Variants in PCDH7 observed in about 807,000 individuals in gnomAD.
The protein encoded by PCDH7 is protocadherin 7.
In PCDH7, 17 loss-of-function variants were observed where a neutral mutation model predicts 58.9. That is an observed-to-expected ratio of 0.29 (90% CI 0.20 to 0.43). PCDH7 has a LOEUF of 0.43. PCDH7 is among the 20% of genes least tolerant of loss of function. The pLI, the probability that PCDH7 is intolerant of heterozygous loss-of-function variation, is 1.00. For missense variants in PCDH7, 1,274 were observed against 1,441.0 expected, an observed-to-expected ratio of 0.88 and a Z score of 1.88; for synonymous variants, 664 against 616.4, an observed-to-expected ratio of 1.08 and a Z score of -1.14.
chr4:31,094,226 C>A (rs989694036), intron 3 of PCDH7, among the ~76,000 whole-genome samples: 2 of 152,056 alleles, frequency 1.3e-5, no homozygotes. Context: ...GTTGTGAAAA[C>A]CAATAGCATC....
chr4:31,071,646 T>C (rs2109253469), intron 3 of PCDH7, among the ~76,000 whole-genome samples: 1 of 152,160 alleles, frequency 6.6e-6, no homozygotes, highest in African/African-American at 2.4e-5. Flanking sequence ...GAAAGCTCAA[T>C]TCATTGCATT....
downstream of PCDH7, among the ~76,000 whole-genome samples, chr4:30,734,601 A>T (rs186749438): frequency 1.9e-3 from 293 of 152,278 alleles, 2 homozygotes; most frequent in African/African-American, 6.3e-3. Context: ...AACTAGAATA[A>T]GTTCCCTGTC....
chr4:30,736,783 G>T (rs189158223), downstream of PCDH7, among the ~76,000 whole-genome samples: 11 of 152,002 alleles, frequency 7.2e-5, no homozygotes, highest in Non-Finnish European at 1.3e-4. Context: ...TGATCCGCCC[G>T]CCTCGGCCTC....
intron 3 of PCDH7, among the ~76,000 whole-genome samples, chr4:31,005,830 A>G (rs971957893): frequency 6.6e-6 from 1 of 152,192 alleles, no homozygotes; most frequent in Non-Finnish European, 1.5e-5. Flanking sequence ...GTTCCGTTTT[A>G]TAGCCCACTT....
At chr4:31,045,667 A>G (rs886615751) in intron 3 of PCDH7, among the ~76,000 whole-genome samples, 7 of 152,018 alleles carry the variant, frequency 4.6e-5, no homozygotes, top group African/African-American at 1.7e-4. Context: ...AACACTTTTC[A>G]TAAATTCGAT....
chr4:31,075,590 G>A (rs1758915041), intron 3 of PCDH7, among the ~76,000 whole-genome samples: 1 of 152,180 alleles, frequency 6.6e-6, no homozygotes, highest in Non-Finnish European at 1.5e-5. Flanking sequence ...AAACAAAGGT[G>A]TGGATTATGA....
intron 3 of PCDH7, among the ~76,000 whole-genome samples, chr4:31,072,880 A>T (rs964847679): frequency 1.3e-5 from 2 of 152,146 alleles, no homozygotes; most frequent in African/African-American, 4.8e-5. Context: ...GCAGCTGTGT[A>T]GGGGTCATTC....
chr4:31,043,048 A>G (rs1399064101), intron 3 of PCDH7, among the ~76,000 whole-genome samples: 1 of 152,024 alleles, frequency 6.6e-6, no homozygotes, highest in Non-Finnish European at 1.5e-5. Flanking sequence ...CTCTCATGAT[A>G]ATGCATTAAT....
chr4:31,073,706 C>T (rs1490986845), intron 3 of PCDH7, among the ~76,000 whole-genome samples: 2 of 152,276 alleles, frequency 1.3e-5, no homozygotes, highest in South Asian at 4.1e-4. Context: ...ATAATCATTA[C>T]ATGGTGGGAT....
intron 1 of PCDH7, among the ~76,000 whole-genome samples, chr4:30,854,843 G>T (rs1214109025): frequency 6.6e-6 from 1 of 151,998 alleles, no homozygotes; most frequent in Non-Finnish European, 1.5e-5. Flanking sequence ...CATTTCCTAG[G>T]AGTGTTCAAG....
intron 3 of PCDH7, among the ~76,000 whole-genome samples, chr4:31,108,816 A>G (rs913705807): frequency 6.6e-6 from 1 of 152,210 alleles, no homozygotes. Context: ...AGAGAATACT[A>G]TCAGCCATTG....
intron 1 of PCDH7, among the ~76,000 whole-genome samples, chr4:30,808,614 G>GA (rs1726571134): frequency 6.6e-6 from 1 of 151,770 alleles, no homozygotes. Flanking sequence ...TTTTTGTGGG[G>GA]AAAAATACAT....
chr4:30,935,345 G>GT, intron 2 of PCDH7: 1 of 983,082 alleles, frequency 1.0e-6, no homozygotes, highest in South Asian at 4.7e-5. Context: ...AGCTGTAAAG[G>GT]TAAGTAGTTT....
At chr4:30,845,128 T>TGC (rs1731744921) in intron 1 of PCDH7, among the ~76,000 whole-genome samples, 3 of 152,206 alleles carry the variant, frequency 2.0e-5, no homozygotes, top group African/African-American at 7.2e-5. Flanking sequence ...TGGTGAATTA[T>TGC]GCGGTGCTCT....
chr4:30,950,597 T>C (rs1462974128), intron 3 of PCDH7, among the ~76,000 whole-genome samples: 2 of 152,200 alleles, frequency 1.3e-5, no homozygotes, highest in Admixed American at 6.5e-5. Flanking sequence ...GTGAATTTTA[T>C]TTCAAAATTT....
At chr4:30,991,252 C>A (rs1026612343) in intron 3 of PCDH7, among the ~76,000 whole-genome samples, 1 of 152,138 alleles carries the variant, frequency 6.6e-6, no homozygotes, top group Admixed American at 6.6e-5. Context: ...CACTCCTCCC[C>A]CAAGTCAGAA....
chr4:30,928,535 G>A (rs2109423500), intron 2 of PCDH7, among the ~76,000 whole-genome samples: 2 of 152,200 alleles, frequency 1.3e-5, no homozygotes, highest in South Asian at 4.2e-4. Flanking sequence ...CCTTTAAGAT[G>A]GAAGTTTTTA....
intron 1 of PCDH7, among the ~76,000 whole-genome samples, chr4:30,894,840 G>A (rs544140134): frequency 1.4e-3 from 212 of 150,662 alleles, no homozygotes; most frequent in African/African-American, 4.2e-3. Flanking sequence ...CAACCTATCC[G>A]AAAATCAGAT....
chr4:31,017,397 T>C (rs576554967), intron 3 of PCDH7, among the ~76,000 whole-genome samples: 22 of 152,184 alleles, frequency 1.4e-4, no homozygotes, highest in African/African-American at 3.9e-4. Flanking sequence ...TTAGCTGTTT[T>C]TGTTCATATA....
Sources: allele counts gnomAD v4.1 joint callset (sites outside exome capture counted in the v4.1 genomes callset), GRCh38; gene constraint gnomAD v4.1.1; transcripts MANE v1.5; gene names NCBI Gene and HGNC (gene_info 2026-07-23, HGNC 2026-07-21).